Variants in TSPAN33 observed in about 807,000 individuals in gnomAD.
TSPAN33 encodes the protein tetraspanin-33.
Under a neutral mutation model 34.8 loss-of-function variants are expected in TSPAN33, and 27 were observed. The ratio of observed to expected loss-of-function variants is 0.78; its 90% CI spans 0.57 to 1.07. The LOEUF (loss-of-function observed/expected upper bound fraction) is 1.07, where lower values mean the gene tolerates loss of function less well. Ranked by LOEUF, TSPAN33 falls within the 50% of genes least tolerant of loss-of-function variation. The pLI is 0.00. For synonymous variants in TSPAN33, 119 were observed against 124.2 expected, an observed-to-expected ratio of 0.96 and a Z score of 0.28; for missense variants, 272 against 324.9, an observed-to-expected ratio of 0.84 and a Z score of 1.25.
intron 1 of TSPAN33, among the ~76,000 whole-genome samples, chr7:129,159,775 C>A (rs946790200): frequency 1.3e-5 from 2 of 152,186 alleles, no homozygotes; most frequent in African/African-American, 4.8e-5. Flanking sequence ...CAGCTGGCAC[C>A]TGCAGCTCTG....
At chr7:129,150,541 G>T (rs1057027316) in intron 1 of TSPAN33, among the ~76,000 whole-genome samples, 1 of 152,210 alleles carries the variant, frequency 6.6e-6, no homozygotes, top group African/African-American at 2.4e-5. Flanking sequence ...AGGCTTTGGG[G>T]ACATCCAGAC....
In TSPAN33 at chr7:129,164,575, G is replaced by A; in HGVS notation, c.459+6G>A. 1.2e-6 allele frequency: 2 copies of A among 1,612,874 alleles called. No homozygotes were observed. Among genetic ancestry groups the A allele is most frequent in the South Asian group, 2.2e-5 (2 of 91,034 alleles). ...TTGATTTTGGCCAGAAAAAGGTATG[G>A]GTCAGCCAGTGGTCTGGGGGACTGT... On this transcript the variant is annotated splice_donor_region_variant and intron_variant, in intron 5 of 7. Transcript: ENST00000486685.
At chr7:129,155,213 T>C (rs1424870878) in intron 1 of TSPAN33, among the ~76,000 whole-genome samples, 1 of 152,020 alleles carries the variant, frequency 6.6e-6, no homozygotes, top group African/African-American at 2.4e-5. Flanking sequence ...GTGAAACTCA[T>C]AGAGGTAGAG....
chr7:129,158,963 A>C (rs1457537151), intron 1 of TSPAN33, among the ~76,000 whole-genome samples: 6 of 144,742 alleles, frequency 4.1e-5, no homozygotes, highest in South Asian at 2.2e-4. Flanking sequence ...GTTGGCCAGG[A>C]TGGTCTCAAT....
intron 4 of TSPAN33, 51 bp from the exon 5 acceptor site, chr7:129,164,423 C>G (rs1486232274): frequency 6.6e-7 from 1 of 1,520,158 alleles, no homozygotes; most frequent in Non-Finnish European, 9.1e-7. Flanking sequence ...CTGGAAGGAG[C>G]AAGTTAGGGA....
intron 4 of TSPAN33, among the ~76,000 whole-genome samples, chr7:129,164,035 A>T (rs971809159): frequency 1.3e-5 from 2 of 152,202 alleles, no homozygotes; most frequent in Non-Finnish European, 2.9e-5. Flanking sequence ...CTCCTGGCTT[A>T]CAGTAAGATC....
At chr7:129,161,488 T>C (rs944889181) in intron 1 of TSPAN33, among the ~76,000 whole-genome samples, 191 bp from the exon 2 acceptor site, 1 of 152,198 alleles carries the variant, frequency 6.6e-6, no homozygotes, top group African/African-American at 2.4e-5. Context: ...AAAAATATGA[T>C]GTGGGTAAAA....
chr7:129,159,322 T>C (rs2150625405), intron 1 of TSPAN33, among the ~76,000 whole-genome samples: 1 of 152,328 alleles, frequency 6.6e-6, no homozygotes, highest in African/African-American at 2.4e-5. Flanking sequence ...GCCTAAGTGC[T>C]GGGATTATAG....
chr7:129,163,017 C>A, intron 4 of TSPAN33, 110 bp downstream of exon 4: 1 of 1,048,832 alleles, frequency 9.5e-7, no homozygotes, highest in Non-Finnish European at 1.4e-6. Flanking sequence ...CCCTGAGAAA[C>A]ATCAGTCGTT....
At chr7:129,158,377 A>G (rs79151916) in intron 1 of TSPAN33, among the ~76,000 whole-genome samples, 1 of 152,048 alleles carries the variant, frequency 6.6e-6, no homozygotes, top group East Asian at 1.9e-4. Context: ...CAGTTAACTT[A>G]CTCTATGATA....
chr7:129,165,960 G>A lies in TSPAN33; in HGVS notation c.460-818G>A, dbSNP rs570125395. On this transcript the variant is annotated intron_variant, in intron 5 of 7. Transcript: ENST00000486685. This position sits in a 1 kb window ranked among gnomAD's most constrained non-coding sequence, Gnocchi z 4.5. ...GTTAACTTTTTTTTTTCCCTGAGACGGAGTCTTGCTCTGTTACCCAGGCTG... is the reference window on the plus strand; with the variant it reads ...GTTAACTTTTTTTTTTCCCTGAGACAGAGTCTTGCTCTGTTACCCAGGCTG... 1.3e-5 allele frequency among the ~76,000 whole-genome samples: 2 copies of A among 151,556 alleles called. No individual in the cohort carries two copies. Among genetic ancestry groups the A allele is most frequent in the East Asian group, 1.9e-4 (1 of 5,138 alleles).
At chr7:129,153,528 G>T (rs1372405956) in intron 1 of TSPAN33, among the ~76,000 whole-genome samples, 1 of 152,180 alleles carries the variant, frequency 6.6e-6, no homozygotes, top group Non-Finnish European at 1.5e-5. Context: ...ATCTCTAAAT[G>T]CATGATCCTT....
chr7:129,158,966 G>T (rs573930802), intron 1 of TSPAN33, among the ~76,000 whole-genome samples: 1 of 151,814 alleles, frequency 6.6e-6, no homozygotes, highest in African/African-American at 2.4e-5. Flanking sequence ...GGCCAGGATG[G>T]TCTCAATCTC....
intron 1 of TSPAN33, 118 bp from the exon 2 acceptor site, chr7:129,161,561 T>C (rs572025006): frequency 2.2e-6 from 2 of 899,156 alleles, no homozygotes; most frequent in African/African-American, 1.6e-5. Flanking sequence ...AGGTGAAAGA[T>C]GCTCACCTTT....
intron 1 of TSPAN33, among the ~76,000 whole-genome samples, chr7:129,155,933 G>A (rs756231164): frequency 2.0e-5 from 3 of 151,804 alleles, no homozygotes; most frequent in African/African-American, 2.4e-5. Context: ...TGAGGTCTAC[G>A]TTGCCTAGGC....
intron 1 of TSPAN33, 149 bp downstream of exon 1, chr7:129,145,231 CG>C (rs1248966552): frequency 6.7e-6 from 3 of 449,272 alleles, no homozygotes; most frequent in East Asian, 7.4e-5. Flanking sequence ...AGGGACACCC[CG>C]GGGACGCCGC....
At position 129,159,890 on chromosome 7, in the gene TSPAN33, G is replaced by A. The variant is rs189401430; in HGVS notation, c.103-1789G>A. 1.8e-3 allele frequency among the ~76,000 whole-genome samples: 271 copies of A among 152,282 alleles called. 1 individual carries two copies. Among genetic ancestry groups the A allele is most frequent in the Admixed American group, 4.1e-3 (63 of 15,296 alleles). ...AAATGATGTGAGGTGGGAAGAGACC[G>A]GGGCCAGCTGAGTGTGGTGACTCAC... On this transcript the variant is annotated intron_variant, in intron 1 of 7. Coordinates refer to ENST00000486685, the MANE Select transcript of TSPAN33 (RefSeq NM_178562.5).
intron 1 of TSPAN33, among the ~76,000 whole-genome samples, chr7:129,150,175 C>G (rs1810574160): frequency 6.6e-6 from 1 of 152,196 alleles, no homozygotes. Context: ...GGCTCCACTG[C>G]TTCTTGCAGC....
chr7:129,151,701 C>T (rs922843222), intron 1 of TSPAN33, among the ~76,000 whole-genome samples: 2 of 151,976 alleles, frequency 1.3e-5, no homozygotes, highest in African/African-American at 4.8e-5. Context: ...CTCCTTTCTC[C>T]CATGAACATT....
Sources: gnomAD v4.1 joint callset for allele counts (sites outside exome capture counted in the v4.1 genomes callset) on GRCh38, gnomAD v4.1.1 for gene constraint, Gnocchi (gnomAD v3.1) non-coding constraint, MANE v1.5 for transcripts, NCBI Gene and HGNC (gene_info 2026-07-23, HGNC 2026-07-21) for gene names.